TMC2: variants seen among roughly 807,000 people sequenced by gnomAD.
TMC2 encodes transmembrane channel like 2.
Under a neutral mutation model 105.9 loss-of-function variants are expected in TMC2, and 102 were observed. The observed-to-expected ratio is 0.96, with a 90% confidence interval of 0.82 to 1.14. The LOEUF is 1.14. TMC2 is among the 50% of genes most tolerant of loss of function. The probability of loss-of-function intolerance (pLI) is 0.00; values close to 1 mark genes in which losing one functional copy is unlikely to be tolerated. For missense variants in TMC2, 1,093 were observed against 1,134.3 expected (o/e 0.96, Z 0.52); for synonymous variants, 402 against 422.8 (o/e 0.95, Z 0.60).
At chr20:2,608,161 C>T (rs2146232685) in intron 11 of TMC2, among the ~76,000 whole-genome samples, 1 of 150,238 alleles carries the variant, frequency 6.7e-6, no homozygotes, top group East Asian at 1.9e-4. Context: ...CATGCTGTGG[C>T]TATCATTATC....
intron 10 of TMC2, among the ~76,000 whole-genome samples, chr20:2,598,767 T>G (rs1446919318): frequency 6.6e-6 from 1 of 152,078 alleles, no homozygotes; most frequent in Non-Finnish European, 1.5e-5. Flanking sequence ...TCATGTGAAG[T>G]GCTGCTGACA....
At chr20:2,565,991 T>C (rs1471875318) in intron 4 of TMC2, among the ~76,000 whole-genome samples, 1 of 152,028 alleles carries the variant, frequency 6.6e-6, no homozygotes, top group Non-Finnish European at 1.5e-5. Flanking sequence ...TGAGCCGAGA[T>C]CATGCCGCTG....
chr20:2,610,360 G>C (rs2086426088), intron 11 of TMC2, 59 bp from the exon 12 acceptor site: 1 of 1,496,150 alleles, frequency 6.7e-7, no homozygotes. Context: ...GGAGTGCAGA[G>C]ATGGCAGCCA....
In TMC2 at chr20:2,561,806, A is replaced by G. The variant is rs1476687527; in HGVS notation, c.402-52A>G. 5 of 1,581,630 alleles carry G rather than the reference A, an allele frequency of 3.2e-6. No homozygotes were observed. The East Asian group carries it at 1.1e-4, about 35-fold the overall frequency. ...CCTCCTCATTCCACAGCACCTGAGG[A>G]CACCACCTCCTTTCCAACTTCCCTC... On this transcript the variant is annotated intron_variant, in intron 3 of 19. Coordinates refer to ENST00000358864, the MANE Select transcript of TMC2 (RefSeq NM_080751.3).
intron 2 of TMC2, among the ~76,000 whole-genome samples, chr20:2,539,990 C>CTTTTTTTTTTT (rs57860432): frequency 1.5e-4 from 17 of 115,106 alleles, no homozygotes; most frequent in Non-Finnish European, 1.9e-4. Context: ...CTTTTCTTTT[C>CTTTTTTTTTTT]TTTTTTTTTT....
chr20:2,598,197 G>A (rs200474017), intron 10 of TMC2, among the ~76,000 whole-genome samples: 41 of 132,348 alleles, frequency 3.1e-4, no homozygotes, highest in East Asian at 4.3e-4. Context: ...CTAGTGAAAT[G>A]AAAAAAAAAA....
chr20:2,607,223 C>T (rs764710652), intron 11 of TMC2, among the ~76,000 whole-genome samples: 1 of 152,114 alleles, frequency 6.6e-6, no homozygotes, highest in Non-Finnish European at 1.5e-5. Context: ...CCTAAGTTAA[C>T]GGAGCTCTCT....
chr20:2,556,098 A>T (rs1045374854), intron 2 of TMC2, among the ~76,000 whole-genome samples: 2 of 151,058 alleles, frequency 1.3e-5, no homozygotes, highest in East Asian at 2.0e-4. Context: ...TTTTATTTTT[A>T]TTTTTTTTGA....
chr20:2,589,273 TG>T (rs1568515669), intron 7 of TMC2, among the ~76,000 whole-genome samples: 52 of 125,084 alleles, frequency 4.2e-4, no homozygotes, highest in African/African-American at 1.6e-3. Context: ...ATTTGCCCTG[TG>T]TGTGTGTGTG....
At chr20:2,572,093 C>CT in intron 4 of TMC2, 86 bp from the exon 5 acceptor site, 1 of 992,986 alleles carries the variant, frequency 1.0e-6, no homozygotes, top group Non-Finnish European at 1.6e-6. Flanking sequence ...CATAAGCCTT[C>CT]ACACATGTGT....
chr20:2,603,295 G>A (rs907552664), intron 11 of TMC2, among the ~76,000 whole-genome samples: 1 of 151,250 alleles, frequency 6.6e-6, no homozygotes, highest in African/African-American at 2.4e-5. Context: ...AGTTTATCTT[G>A]CATTCAAACA....
intron 4 of TMC2, among the ~76,000 whole-genome samples, chr20:2,563,870 G>T (rs1278310092): frequency 6.6e-6 from 1 of 152,034 alleles, no homozygotes; most frequent in Admixed American, 6.6e-5. Context: ...GGGACTACAG[G>T]CATATGCCAC....
intron 2 of TMC2, among the ~76,000 whole-genome samples, chr20:2,545,879 A>AAG (rs2085922626): frequency 7.1e-6 from 1 of 140,156 alleles, no homozygotes; most frequent in Non-Finnish European, 1.5e-5. Context: ...GAAAGAAAGA[A>AAG]AAAGAAAGAA....
At chr20:2,539,219 T>C (rs939830377) in intron 2 of TMC2, among the ~76,000 whole-genome samples, 10 of 152,172 alleles carry the variant, frequency 6.6e-5, no homozygotes, top group African/African-American at 9.7e-5. Flanking sequence ...GTTCCTAAAT[T>C]ATGCATTATG....
intron 2 of TMC2, among the ~76,000 whole-genome samples, chr20:2,543,843 G>A (rs186631164): frequency 6.6e-6 from 1 of 151,604 alleles, no homozygotes; most frequent in East Asian, 1.9e-4. Flanking sequence ...CATATCAATT[G>A]TCTGTTAACA....
At chr20:2,631,220 T>C (rs190715683) in intron 17 of TMC2, among the ~76,000 whole-genome samples, 1 of 152,320 alleles carries the variant, frequency 6.6e-6, no homozygotes, top group Non-Finnish European at 1.5e-5. Context: ...TTCCCTCCAC[T>C]CTCCTTCAGG....
chr20:2,635,159 C>A (rs1294250461), intron 17 of TMC2, among the ~76,000 whole-genome samples: 1 of 152,214 alleles, frequency 6.6e-6, no homozygotes. Flanking sequence ...GTCATAACCC[C>A]AGACCTTAGG....
chr20:2,576,008 A>G (rs549887829), intron 5 of TMC2, among the ~76,000 whole-genome samples: 1 of 152,274 alleles, frequency 6.6e-6, no homozygotes, highest in East Asian at 1.9e-4. Context: ...GAATTTATGT[A>G]TGTATCTTGG....
chr20:2,561,724 C>T, intron 3 of TMC2, 134 bp from the exon 4 acceptor site: 2 of 1,161,706 alleles, frequency 1.7e-6, no homozygotes, highest in Middle Eastern at 3.1e-4. Context: ...CGCTGCCAGG[C>T]AATGGGAGTC....
Sources: gnomAD v4.1 joint callset for allele counts (sites outside exome capture counted in the v4.1 genomes callset) on GRCh38, gnomAD v4.1.1 for gene constraint, MANE v1.5 for transcripts, NCBI Gene and HGNC (gene_info 2026-07-23, HGNC 2026-07-21) for gene names.